DLGAP1: variants seen among roughly 807,000 people sequenced by gnomAD.
DLGAP1 encodes DLG associated protein 1, also known as disks large-associated protein 1.
A neutral mutation model predicts 90.8 loss-of-function variants in DLGAP1; 11 were observed. The ratio of observed to expected loss-of-function variants is 0.12; its 90% CI spans 0.08 to 0.20. The LOEUF (loss-of-function observed/expected upper bound fraction) is 0.20, where lower values mean the gene tolerates loss of function less well. Ranked by LOEUF, DLGAP1 falls within the 10% of genes least tolerant of loss-of-function variation. The pLI is 1.00. For synonymous variants in DLGAP1, 558 were observed against 540.7 expected, an observed-to-expected ratio of 1.03 and a Z score of -0.44; for missense variants, 1,050 against 1,333.8, an observed-to-expected ratio of 0.79 and a Z score of 3.31.
intron 4 of DLGAP1, among the ~76,000 whole-genome samples, chr18:3,864,165 G>A (rs2070248831): frequency 6.6e-6 from 1 of 152,232 alleles, no homozygotes; most frequent in Middle Eastern, 3.4e-3. Context: ...TCATTTAACA[G>A]AATTTTTCAT....
chr18:3,919,336 C>A (rs1215523891), intron 3 of DLGAP1, among the ~76,000 whole-genome samples: 1 of 152,202 alleles, frequency 6.6e-6, no homozygotes, highest in Non-Finnish European at 1.5e-5. Context: ...GGGTAGCAGT[C>A]CTTTAGTTCA....
In DLGAP1 at chr18:3,827,890, C is replaced by T. The variant is rs140641197; in HGVS notation, c.958-13617G>A. ...TAGAGTGTCTGCCACAGTGCTCTGCCACATTCATTATTAATCAGAGAGACA... is the reference window on the plus strand; with the variant it reads ...TAGAGTGTCTGCCACAGTGCTCTGCTACATTCATTATTAATCAGAGAGACA... On this transcript the variant is annotated intron_variant, in intron 4 of 12. Transcript: ENST00000315677. Among the ~76,000 whole-genome samples, 500 of 152,242 alleles carry T rather than the reference C, an allele frequency of 3.3e-3. 3 individuals are homozygous for T. The highest frequency in any genetic ancestry group is 0.012 in the African/African-American group (486 of 41,540).
At chr18:4,051,017 CTTG>C (rs771053316) in intron 2 of DLGAP1, among the ~76,000 whole-genome samples, 17 of 152,288 alleles carry the variant, frequency 1.1e-4, no homozygotes, top group South Asian at 2.1e-4. Flanking sequence ...TTATATGTCA[CTTG>C]TTTCTTCTTC....
At chr18:4,002,953 G>T (rs2074225680) in intron 3 of DLGAP1, among the ~76,000 whole-genome samples, 1 of 152,146 alleles carries the variant, frequency 6.6e-6, no homozygotes, top group African/African-American at 2.4e-5. Flanking sequence ...TATCTTGAGT[G>T]TTCTGGATGC....
intron 3 of DLGAP1, among the ~76,000 whole-genome samples, chr18:3,980,006 G>A (rs2073690707): frequency 6.6e-6 from 1 of 152,014 alleles, no homozygotes; most frequent in South Asian, 2.1e-4. Flanking sequence ...CGTGGTGGCA[G>A]GCACCTGTAA....
intron 1 of DLGAP1, among the ~76,000 whole-genome samples, chr18:4,163,845 T>G (rs931057079): frequency 7.9e-5 from 12 of 152,198 alleles, no homozygotes; most frequent in African/African-American, 2.9e-4. Context: ...GATGTTTTCT[T>G]TTTCAGATAT....
chr18:3,797,604 GT>G (rs959840323), intron 5 of DLGAP1, among the ~76,000 whole-genome samples: 1 of 152,214 alleles, frequency 6.6e-6, no homozygotes, highest in Non-Finnish European at 1.5e-5. Flanking sequence ...GCTTTGTACT[GT>G]TAAAGGCTGG....
intron 7 of DLGAP1, among the ~76,000 whole-genome samples, chr18:3,602,735 A>G (rs909301752): frequency 1.3e-5 from 2 of 152,122 alleles, no homozygotes; most frequent in Non-Finnish European, 2.9e-5. Flanking sequence ...ATTATATTCC[A>G]GTTTTCAAAA....
chr18:4,180,688 T>A (rs1416748933), intron 1 of DLGAP1, among the ~76,000 whole-genome samples: 1 of 152,226 alleles, frequency 6.6e-6, no homozygotes, highest in Non-Finnish European at 1.5e-5. Context: ...TTTCACCACT[T>A]TGCTCTATCA....
intron 1 of DLGAP1, among the ~76,000 whole-genome samples, chr18:4,197,805 T>C (rs569311845): frequency 6.0e-4 from 92 of 152,116 alleles, no homozygotes; most frequent in Middle Eastern, 3.4e-3. Context: ...ATGTTAGAGA[T>C]GAAGTAGGGA....
At chr18:3,821,639 C>T (rs2067423735) in intron 4 of DLGAP1, among the ~76,000 whole-genome samples, 1 of 151,924 alleles carries the variant, frequency 6.6e-6, no homozygotes, top group Admixed American at 6.6e-5. Context: ...GCTGCCTTAC[C>T]AAGTATTGTT....
At chr18:3,948,045 T>C (rs1006170065) in intron 3 of DLGAP1, among the ~76,000 whole-genome samples, 55 of 152,206 alleles carry the variant, frequency 3.6e-4, no homozygotes, top group African/African-American at 1.0e-3. Context: ...ATCCCCAAAA[T>C]GGTAGGCTCA....
chr18:4,139,303 G>C (rs1352224400), intron 2 of DLGAP1, among the ~76,000 whole-genome samples: 14 of 151,758 alleles, frequency 9.2e-5, no homozygotes. Context: ...TATCACATAG[G>C]CTTTCATACG....
At chr18:4,432,276 G>A (rs1224220781) in intron 1 of DLGAP1, among the ~76,000 whole-genome samples, 1 of 152,094 alleles carries the variant, frequency 6.6e-6, no homozygotes, top group Non-Finnish European at 1.5e-5. Flanking sequence ...GAAGTAAGGA[G>A]CTGAAGGATA....
In DLGAP1 at chr18:3,935,530, C is replaced by CT. The variant is rs1270130999; in HGVS notation, c.-72-55391dup. Among the ~76,000 whole-genome samples the CT allele has an allele frequency of 3.3e-5, 5 of 152,176 alleles. No homozygotes were observed. In the East Asian group the frequency reaches 9.6e-4, roughly 29 times the overall value. Reference sequence around the variant, plus strand: ...TAATAGAAGTATCAAGTTACTACGTCTCAGGATGGGCTGCTGATGCAATTT... The same window carrying CT: ...TAATAGAAGTATCAAGTTACTACGTCTTCAGGATGGGCTGCTGATGCAATTT... On this transcript the variant is annotated intron_variant, in intron 3 of 12. Transcript: ENST00000315677.
intron 3 of DLGAP1, among the ~76,000 whole-genome samples, chr18:3,913,279 A>AG (rs545844804): frequency 2.6e-4 from 39 of 151,998 alleles, no homozygotes; most frequent in African/African-American, 9.2e-4. Context: ...TTTTGTTTTG[A>AG]GGGGGTCTCA....
intron 2 of DLGAP1, among the ~76,000 whole-genome samples, chr18:4,046,463 C>G (rs2075055590): frequency 1.3e-5 from 2 of 152,294 alleles, no homozygotes; most frequent in African/African-American, 4.8e-5. Flanking sequence ...GTAGATTAAA[C>G]AATTCTTAGG....
At chr18:3,683,336 T>G (rs1044580114) in intron 7 of DLGAP1, among the ~76,000 whole-genome samples, 3 of 152,180 alleles carry the variant, frequency 2.0e-5, no homozygotes, top group African/African-American at 7.2e-5. Context: ...TATCTCTTTA[T>G]AATAAACAAC....
intron 2 of DLGAP1, among the ~76,000 whole-genome samples, chr18:4,023,725 T>C (rs2074652078): frequency 6.6e-6 from 1 of 152,220 alleles, no homozygotes; most frequent in African/African-American, 2.4e-5. Flanking sequence ...AGGTGTCATC[T>C]AGTTCAACAA....
Sources: gnomAD v4.1 joint callset for allele counts (sites outside exome capture counted in the v4.1 genomes callset) on GRCh38, gnomAD v4.1.1 for gene constraint, MANE v1.5 for transcripts, NCBI Gene and HGNC (gene_info 2026-07-23, HGNC 2026-07-21) for gene names.